The following LIMD1 variants were observed in gnomAD, a reference collection of about 807,000 sequenced individuals.
LIMD1 encodes the protein LIM domain containing 1.
In LIMD1, 23 loss-of-function variants were observed where a neutral mutation model predicts 58.4. That is an observed-to-expected ratio of 0.39 (90% CI 0.28 to 0.56). The LOEUF is 0.56. Among genes scored for constraint, LIMD1 ranks in the 20% least tolerant of loss-of-function variants. The pLI is 0.57. For synonymous variants in LIMD1, 334 were observed against 345.5 expected (o/e 0.97, Z 0.37); for missense variants, 838 against 855.5 (o/e 0.98, Z 0.25).
At chr3:45,645,343 C>T (rs1243048907) in intron 2 of LIMD1, among the ~76,000 whole-genome samples, 1 of 152,220 alleles carries the variant, frequency 6.6e-6, no homozygotes, top group African/African-American at 2.4e-5. Context: ...CATCAGATTC[C>T]TTTGTTCCTA....
chr3:45,632,134 T>C (rs1701739458), intron 1 of LIMD1, among the ~76,000 whole-genome samples: 2 of 152,300 alleles, frequency 1.3e-5, no homozygotes, highest in Non-Finnish European at 2.9e-5. Flanking sequence ...ATGCACTGCT[T>C]TAACATTACA....
chr3:45,673,546 A>G, intron 6 of LIMD1, 41 bp downstream of exon 6: 1 of 1,442,754 alleles, frequency 6.9e-7, no homozygotes, highest in African/African-American at 1.4e-5. Flanking sequence ...GGCTTCTAAG[A>G]CATGAATATC....
In LIMD1 at chr3:45,684,982, T is replaced by C. The variant is rs1290500472; in HGVS notation, c.*7923T>C. The C allele has an allele frequency of 6.6e-6, 1 of 152,224 alleles. No homozygotes were observed. The highest frequency in any genetic ancestry group is 1.5e-5 in the Non-Finnish European group (1 of 68,036). The allele number at this position is 152,224 out of a possible 1,614,324, so 9.4% of individuals were successfully genotyped here. On this transcript the variant is annotated 3_prime_UTR_variant, in exon 8 of 8. Coordinates refer to ENST00000273317, the MANE Select transcript of LIMD1 (RefSeq NM_014240.3). ...CCTTACCAAGGACTCCTGTACCCTA[T>C]CTGCCTAAATTTTTTTTAACTACTA...
chr3:45,616,077 A>G (rs1455961598), intron 1 of LIMD1, among the ~76,000 whole-genome samples: 1 of 152,198 alleles, frequency 6.6e-6, no homozygotes, highest in African/African-American at 2.4e-5. Flanking sequence ...CTTGTTGGCA[A>G]TGCTGCTTCC....
rs753040858 is a variant in LIMD1 at position 45,595,208 on chromosome 3, C to T, written c.329C>T (p.Ser110Leu). 3.1e-6 allele frequency: 5 copies of T among 1,601,900 alleles called. No homozygotes were observed. The highest frequency in any genetic ancestry group is 2.2e-5 in the South Asian group (2 of 90,072). Residue 110 changes from serine to leucine, a missense_variant, in exon 1 of 8, where the codon TCG (serine) becomes TTG (leucine). This residue lies in a region of LIMD1 where 659 missense variants were observed against 639.8 expected (regional missense o/e 1.03). Coordinates refer to ENST00000273317, the MANE Select transcript of LIMD1 (RefSeq NM_014240.3). ...GCTGCCAAGCCTCCTCTTGCTGCCT[C>T]GACAGGGGCACCTGGGGCAGTCACC... ...DGAAKPPLAA[S>L]TGAPGAVTTL...
intron 1 of LIMD1, among the ~76,000 whole-genome samples, chr3:45,628,007 C>CAAA (rs56711723): frequency 2.2e-4 from 24 of 111,614 alleles, no homozygotes; most frequent in Non-Finnish European, 3.0e-4. Context: ...GACCCCATCT[C>CAAA]AAAAAAAAAA....
rs1391937260 is a variant in LIMD1, at chr3:45,680,550, A to G, written c.*3491A>G. 1.3e-5 allele frequency: 2 copies of G among 152,186 alleles called. No homozygotes were observed. The highest frequency in any genetic ancestry group is 2.9e-5 in the Non-Finnish European group (2 of 68,066). The allele number at this position is 152,186 out of a possible 1,614,324, so 9.4% of individuals were successfully genotyped here. On this transcript the variant is annotated 3_prime_UTR_variant, in exon 8 of 8. Coordinates refer to ENST00000273317, the MANE Select transcript of LIMD1 (RefSeq NM_014240.3). ...AGGATGGTCTGGAACTCCTGGGCTCAAGTGATCTGCCCACTTCCGCCTCCC... is the reference window on the plus strand; with the variant it reads ...AGGATGGTCTGGAACTCCTGGGCTCGAGTGATCTGCCCACTTCCGCCTCCC...
chr3:45,604,681 T>A (rs1457622223), intron 1 of LIMD1, among the ~76,000 whole-genome samples: 1 of 152,144 alleles, frequency 6.6e-6, no homozygotes, highest in East Asian at 1.9e-4. Flanking sequence ...TCCCAACGGA[T>A]GTTCTTCTGG....
intron 1 of LIMD1, among the ~76,000 whole-genome samples, chr3:45,627,706 CAAAAAAAAAA>C (rs35897504): frequency 3.1e-5 from 3 of 97,200 alleles, no homozygotes; most frequent in Non-Finnish European, 4.1e-5. Flanking sequence ...CTAAAACAAC[CAAAAAAAAAA>C]AAAAAAAAAG....
At chr3:45,665,055 TC>T (rs1407341737) in intron 2 of LIMD1, among the ~76,000 whole-genome samples, 1 of 152,096 alleles carries the variant, frequency 6.6e-6, no homozygotes, top group Non-Finnish European at 1.5e-5. Context: ...AAGCAAGAGT[TC>T]CATCCAAGGA....
At chr3:45,641,974 A>C (rs539807420) in intron 2 of LIMD1, among the ~76,000 whole-genome samples, 7 of 152,118 alleles carry the variant, frequency 4.6e-5, no homozygotes, top group Admixed American at 6.5e-5. Flanking sequence ...GGGAATAGGG[A>C]GGTGAATGAG....
intron 2 of LIMD1, among the ~76,000 whole-genome samples, chr3:45,636,539 G>A (rs1453722709): frequency 6.6e-6 from 1 of 152,192 alleles, no homozygotes; most frequent in African/African-American, 2.4e-5. Context: ...TGTAAGAAGA[G>A]GTTTCAGAAG....
At chr3:45,652,283 G>C (rs1701982616) in intron 2 of LIMD1, among the ~76,000 whole-genome samples, 1 of 152,180 alleles carries the variant, frequency 6.6e-6, no homozygotes. Flanking sequence ...AGCTCAGTTT[G>C]AGCCTTTTAA....
rs182842389 is a variant in LIMD1 at position 45,633,621 on chromosome 3, G to A, written c.1409-2529G>A. Among the ~76,000 whole-genome samples, 5 of 152,292 alleles carry A rather than the reference G, an allele frequency of 3.3e-5. No homozygotes were observed. The East Asian group carries it at 9.6e-4, about 29-fold the overall frequency. On this transcript the variant is annotated intron_variant, in intron 1 of 7. Transcript: ENST00000273317. Reference sequence around the variant, plus strand: ...TCTGTATAATTCCTTCAACTTTTCTGCGTGTTTGAAAATGTTGAAACAGAA... The same window carrying A: ...TCTGTATAATTCCTTCAACTTTTCTACGTGTTTGAAAATGTTGAAACAGAA...
At chr3:45,672,857 T>C (rs1280222462) in intron 5 of LIMD1, 37 bp downstream of exon 5, 2 of 1,610,500 alleles carry the variant, frequency 1.2e-6, no homozygotes, top group Non-Finnish European at 1.7e-6. Flanking sequence ...CCCATTCGTG[T>C]AGGCCAAGCT....
intron 4 of LIMD1, among the ~76,000 whole-genome samples, chr3:45,671,841 A>G (rs923131385): frequency 4.3e-4 from 65 of 152,178 alleles, no homozygotes; most frequent in African/African-American, 1.5e-3. Flanking sequence ...ATGATATTTT[A>G]TCTCACCTAA....
chr3:45,661,303 T>C (rs1342138282), intron 2 of LIMD1, among the ~76,000 whole-genome samples: 2 of 152,252 alleles, frequency 1.3e-5, no homozygotes, highest in African/African-American at 4.8e-5. Flanking sequence ...AGTGTACACA[T>C]AATTTTGTCA....
intron 2 of LIMD1, among the ~76,000 whole-genome samples, chr3:45,653,114 C>G (rs1701991476): frequency 1.3e-5 from 2 of 152,074 alleles, no homozygotes; most frequent in Non-Finnish European, 2.9e-5. Flanking sequence ...TTTCATTTTT[C>G]TATATTATTG....
At chr3:45,664,224 C>T (rs1262129670) in intron 2 of LIMD1, among the ~76,000 whole-genome samples, 1 of 151,922 alleles carries the variant, frequency 6.6e-6, no homozygotes, top group East Asian at 1.9e-4. Context: ...CAGGCTGGTC[C>T]CAAACTCCTG....
Sources: allele counts gnomAD v4.1 joint callset (sites outside exome capture counted in the v4.1 genomes callset), GRCh38; gene constraint gnomAD v4.1.1; regional missense constraint gnomAD v4.1.1; transcripts MANE v1.5; gene names NCBI Gene and HGNC (gene_info 2026-07-23, HGNC 2026-07-21).